Variants in BBS9 observed in about 807,000 individuals in gnomAD.
BBS9 encodes protein PTHB1.
A neutral mutation model predicts 117.7 loss-of-function variants in BBS9; 89 were observed. The ratio of observed to expected loss-of-function variants is 0.76; its 90% CI spans 0.64 to 0.90. The LOEUF (loss-of-function observed/expected upper bound fraction) is 0.90, where lower values mean the gene tolerates loss of function less well. Among genes scored for constraint, BBS9 ranks in the 40% least tolerant of loss-of-function variants. The pLI, the probability that BBS9 is intolerant of heterozygous loss-of-function variation, is 0.00. For missense variants in BBS9, 982 were observed against 1,042.2 expected, an observed-to-expected ratio of 0.94 and a Z score of 0.80; for synonymous variants, 379 against 370.9, an observed-to-expected ratio of 1.02 and a Z score of -0.25.
chr7:33,214,939 A>G (rs1788763446), intron 5 of BBS9, among the ~76,000 whole-genome samples: 1 of 152,204 alleles, frequency 6.6e-6, no homozygotes, highest in Non-Finnish European at 1.5e-5. Context: ...CACGCCTGTA[A>G]TCCCAGCACT....
intron 6 of BBS9, among the ~76,000 whole-genome samples, chr7:33,258,223 A>G (rs192397951): frequency 9.8e-4 from 149 of 152,270 alleles, no homozygotes; most frequent in African/African-American, 3.3e-3. Context: ...AACATTTGGA[A>G]GTTTAAACAT....
intron 2 of BBS9, among the ~76,000 whole-genome samples, chr7:33,150,369 G>T (rs1214444809): frequency 6.6e-6 from 1 of 152,104 alleles, no homozygotes; most frequent in African/African-American, 2.4e-5. Flanking sequence ...GTTCCTCCTT[G>T]TTCAGCTGGC....
At chr7:33,378,939 A>G (rs1824425576) in intron 17 of BBS9, among the ~76,000 whole-genome samples, 1 of 152,148 alleles carries the variant, frequency 6.6e-6, no homozygotes, top group Non-Finnish European at 1.5e-5. Flanking sequence ...TTTTTTCCCC[A>G]GTGATAAATT....
At chr7:33,195,841 G>A (rs576035253) in intron 5 of BBS9, among the ~76,000 whole-genome samples, 35 of 151,880 alleles carry the variant, frequency 2.3e-4, no homozygotes, top group Admixed American at 3.9e-4. Context: ...TTTTTACCAA[G>A]GAAAATTTAA....
At chr7:33,333,462 C>T (rs1814585587) in intron 9 of BBS9, among the ~76,000 whole-genome samples, 1 of 152,010 alleles carries the variant, frequency 6.6e-6, no homozygotes, top group Admixed American at 6.6e-5. Context: ...TTGATGGGCA[C>T]TTAGGTTGGT....
chr7:33,538,267 TTATATAATCCA>T (rs1851775116), intron 21 of BBS9, among the ~76,000 whole-genome samples: 1 of 152,208 alleles, frequency 6.6e-6, no homozygotes, highest in African/African-American at 2.4e-5. Flanking sequence ...ATTAGGTATC[TTATATAATCCA>T]TATATTTTCA....
chr7:33,344,782 T>A, intron 12 of BBS9, 148 bp downstream of exon 12: 2 of 782,488 alleles, frequency 2.6e-6, no homozygotes, highest in Non-Finnish European at 4.4e-6. Flanking sequence ...GAGTAGTGAA[T>A]AGAAAACCTT....
At chr7:33,159,761 G>A (rs71532565) in intron 4 of BBS9, among the ~76,000 whole-genome samples, 23,987 of 152,090 alleles carry the variant, frequency 0.16, 2,069 homozygotes, top group South Asian at 0.21. Flanking sequence ...GAGATCATGT[G>A]GCACTCTAGA....
chr7:33,183,662 C>CT (rs1798397810), intron 5 of BBS9, among the ~76,000 whole-genome samples: 1 of 152,208 alleles, frequency 6.6e-6, no homozygotes, highest in South Asian at 2.1e-4. Flanking sequence ...CTTGCAAAAG[C>CT]TTTTAACTGC....
intron 20 of BBS9, among the ~76,000 whole-genome samples, chr7:33,532,927 G>A (rs1274326543): frequency 1.3e-5 from 2 of 152,096 alleles, no homozygotes; most frequent in Non-Finnish European, 2.9e-5. Context: ...TCAGGCCCAT[G>A]GTGCTCTAGG....
intron 18 of BBS9, 40 bp from the exon 19 acceptor site, chr7:33,387,952 G>A (rs201083467): frequency 5.0e-6 from 8 of 1,595,686 alleles, no homozygotes; most frequent in East Asian, 2.2e-5. Flanking sequence ...GATGTTTTTT[G>A]TGTCCATTTA....
Position 33,231,428 on chromosome 7 carries a change from C to CTTTTTTTTTTTTTTTTTTTTTTTTTT in BBS9, c.443-25791_443-25790insTTTTTTTTTTTTTTTTTTTTTTTTTT, listed in dbSNP as rs35407590. On this transcript the variant is annotated intron_variant, in intron 5 of 22. Transcript: ENST00000242067. The stretch of plus-strand genomic sequence containing the variant: ...TATTCTGTTCCTCTGGCCTATGTGT[C>CTTTTTTTTTTTTTTTTTTTTTTTTTT]TTTTTTTTTTTTTTTTTGCCAGGAC... Among the ~76,000 whole-genome samples, 105 of 106,356 alleles carry CTTTTTTTTTTTTTTTTTTTTTTTTTT rather than the reference C, an allele frequency of 9.9e-4. 1 individual carries two copies. The highest frequency in any genetic ancestry group is 1.6e-3 in the African/African-American group (45 of 28,150). The allele number at this position is 106,356 out of a possible 152,430, so 69.8% of individuals were successfully genotyped here.
intron 19 of BBS9, among the ~76,000 whole-genome samples, chr7:33,494,887 G>A (rs1451447878): frequency 6.6e-6 from 1 of 152,056 alleles, no homozygotes; most frequent in Non-Finnish European, 1.5e-5. Context: ...ATAACCTACA[G>A]TTTACCCTAG....
intron 5 of BBS9, among the ~76,000 whole-genome samples, chr7:33,243,995 G>A (rs1227946205): frequency 1.3e-5 from 2 of 152,062 alleles, no homozygotes; most frequent in African/African-American, 2.4e-5. Flanking sequence ...AAGCTGAGGC[G>A]GGCAGATCAC....
intron 13 of BBS9, among the ~76,000 whole-genome samples, chr7:33,350,336 C>T (rs542583923): frequency 6.8e-6 from 1 of 147,722 alleles, no homozygotes; most frequent in South Asian, 2.2e-4. Context: ...GAAGTAACCT[C>T]ATAGGTGATA....
At chr7:33,586,970 C>T (rs1861006786) in intron 21 of BBS9, among the ~76,000 whole-genome samples, 1 of 152,018 alleles carries the variant, frequency 6.6e-6, no homozygotes, top group South Asian at 2.1e-4. Context: ...AGTGATGGAT[C>T]CATTCATACG....
chr7:33,501,933 A>T lies in BBS9; in HGVS notation c.2116-3530A>T, dbSNP rs534211552. ...AATATCTATTCTTTTTTTTTTTGAG[A>T]TGGAGTCTCACTCTGTCACCAGGCT... On this transcript the variant is annotated intron_variant, in intron 19 of 22. Coordinates refer to ENST00000242067, the MANE Select transcript of BBS9 (RefSeq NM_198428.3). 3.2e-4 allele frequency among the ~76,000 whole-genome samples: 48 copies of T among 150,522 alleles called. 1 individual carries two copies. In the South Asian group the frequency reaches 9.9e-3, roughly 31 times the overall value.
intron 19 of BBS9, among the ~76,000 whole-genome samples, chr7:33,476,804 A>G (rs1038340994): frequency 1.3e-5 from 2 of 152,216 alleles, no homozygotes; most frequent in African/African-American, 2.4e-5. Flanking sequence ...AAAGATTTCT[A>G]TCTTGTTAAG....
chr7:33,270,494 G>A lies in BBS9; in HGVS notation c.703-2518G>A, dbSNP rs545079643. On this transcript the variant is annotated intron_variant, in intron 7 of 22. Transcript: ENST00000242067. ...TACAATGATACAAGAGCTGACAGAC[G>A]AAATAGCCAGTATAGAAAGAACTTA... 4.6e-5 allele frequency among the ~76,000 whole-genome samples: 7 copies of A among 152,230 alleles called. No individual in the cohort carries two copies. In the East Asian group the frequency reaches 7.7e-4, roughly 17 times the overall value.
Sources: gnomAD v4.1 joint callset for allele counts (sites outside exome capture counted in the v4.1 genomes callset) on GRCh38, gnomAD v4.1.1 for gene constraint, MANE v1.5 for transcripts, NCBI Gene and HGNC (gene_info 2026-07-23, HGNC 2026-07-21) for gene names.